SLC22A23: variants seen among roughly 807,000 people sequenced by gnomAD.
The protein encoded by SLC22A23 is solute carrier family 22 member 23.
In SLC22A23, 26 loss-of-function variants were observed where a neutral mutation model predicts 61.0. The observed-to-expected ratio is 0.43, with a 90% CI of 0.31 to 0.59. The LOEUF (loss-of-function observed/expected upper bound fraction) is 0.59. SLC22A23 is among the 20% of genes least tolerant of loss of function. The pLI is 0.11. For synonymous variants in SLC22A23, 430 were observed against 413.9 expected (o/e 1.04, Z -0.47); for missense variants, 796 against 934.7 (o/e 0.85, Z 1.94).
chr6:3,275,735 AC>A (rs1758833133), intron 9 of SLC22A23, among the ~76,000 whole-genome samples: 1 of 152,200 alleles, frequency 6.6e-6, no homozygotes, highest in Non-Finnish European at 1.5e-5. Context: ...GGCGCGTGCC[AC>A]CATGCCCAGC....
chr6:3,284,843 C>T, intron 8 of SLC22A23: 2 of 1,423,772 alleles, frequency 1.4e-6, no homozygotes, highest in South Asian at 1.2e-5. Flanking sequence ...GGGGCGGGGG[C>T]ATGCGTGCCA....
rs1760397840 is a variant in SLC22A23, at chr6:3,289,751, C to G, written c.1313+13G>C. On this transcript the variant is annotated intron_variant, in intron 6 of 9. Transcript: ENST00000406686. ...CCCTCCCACCCAGCTGGCACTTGTC[C>G]TCTGTGACTCACGAGTTCACACACA... 1 of 1,611,978 alleles carries G rather than the reference C, an allele frequency of 6.2e-7. No homozygotes were observed.
chr6:3,277,413 C>T (rs1219546930), intron 9 of SLC22A23, among the ~76,000 whole-genome samples: 1 of 150,910 alleles, frequency 6.6e-6, no homozygotes, highest in Non-Finnish European at 1.5e-5. Context: ...CCCTAGGAAT[C>T]CAGCCTCACC....
intron 3 of SLC22A23, among the ~76,000 whole-genome samples, chr6:3,365,687 A>G (rs1765763411): frequency 6.6e-6 from 1 of 152,098 alleles, no homozygotes; most frequent in Admixed American, 6.5e-5. Flanking sequence ...CCTACTAAAA[A>G]ATATTTTTTT....
chr6:3,382,526 A>G (rs1040904562), intron 3 of SLC22A23, among the ~76,000 whole-genome samples: 4 of 152,228 alleles, frequency 2.6e-5, no homozygotes, highest in African/African-American at 9.6e-5. Flanking sequence ...CTCTGTGATC[A>G]AAGTTTCCCA....
chr6:3,275,571 G>A (rs755112160), intron 9 of SLC22A23, among the ~76,000 whole-genome samples: 1 of 152,154 alleles, frequency 6.6e-6, no homozygotes, highest in Non-Finnish European at 1.5e-5. Context: ...ATCAGATAAA[G>A]GACTTGTAAC....
chr6:3,439,466 T>C (rs1771447109), intron 1 of SLC22A23: 1 of 318,870 alleles, frequency 3.1e-6, no homozygotes, highest in East Asian at 8.6e-5. Context: ...CCTAAAGTTC[T>C]GAACAGCAGT....
intron 1 of SLC22A23, among the ~76,000 whole-genome samples, chr6:3,423,929 AG>A (rs1282779312): frequency 6.6e-5 from 10 of 152,284 alleles, no homozygotes; most frequent in African/African-American, 2.4e-4. Context: ...GTAACGACCC[AG>A]GTGATCCATC....
chr6:3,405,975 G>A lies in SLC22A23; in HGVS notation c.913+4213C>T, dbSNP rs192822248. ...TTATCCAATCATTTAGGCTGTTTGG[G>A]TTGAAGGAGGGTTATTACAATAAGA... On this transcript the variant is annotated intron_variant, in intron 3 of 9. Coordinates refer to ENST00000406686, the MANE Select transcript of SLC22A23 (RefSeq NM_015482.2). Among the ~76,000 whole-genome samples, 7 of 152,206 alleles carry A rather than the reference G, an allele frequency of 4.6e-5. No homozygotes were observed. The South Asian group carries it at 1.2e-3, about 27-fold the overall frequency.
At position 3,289,651 on chromosome 6, in the gene SLC22A23, C is replaced by G. The variant is rs570994869; in HGVS notation, c.1313+113G>C. 1,084 of 830,688 alleles carry G rather than the reference C, an allele frequency of 1.3e-3. 20 individuals are homozygous for G. The South Asian group carries it at 0.016, about 12-fold the overall frequency. 51.5% of individuals were successfully genotyped at this position (830,688 alleles called of 1,614,324 possible). ...GCCCGTGTCACTCTTCACACACACA[C>G]CCTTAGGATTCCAAGTTCAGCGGGG... On this transcript the variant is annotated intron_variant, in intron 6 of 9. Coordinates refer to ENST00000406686, the MANE Select transcript of SLC22A23 (RefSeq NM_015482.2).
intron 1 of SLC22A23, among the ~76,000 whole-genome samples, chr6:3,455,369 G>A (rs1772344276): frequency 6.6e-6 from 1 of 152,230 alleles, no homozygotes. Flanking sequence ...AGACACTGGG[G>A]TAGCAAAGCC....
chr6:3,353,423 T>A (rs1764891475), intron 3 of SLC22A23, among the ~76,000 whole-genome samples: 1 of 152,206 alleles, frequency 6.6e-6, no homozygotes, highest in Non-Finnish European at 1.5e-5. Context: ...TGTCTCAACA[T>A]CTGGCTTGAG....
intron 3 of SLC22A23, among the ~76,000 whole-genome samples, chr6:3,389,539 G>A (rs972435754): frequency 2.6e-5 from 4 of 152,194 alleles, no homozygotes; most frequent in African/African-American, 4.8e-5. Context: ...GAGGTGGGGC[G>A]AGGAACAGAG....
intron 6 of SLC22A23, among the ~76,000 whole-genome samples, chr6:3,287,828 C>T (rs1322438029): frequency 6.6e-6 from 1 of 152,084 alleles, no homozygotes; most frequent in African/African-American, 2.4e-5. Flanking sequence ...GGATTACAGG[C>T]ACCTGCCACC....
At chr6:3,374,318 G>A (rs74735322) in intron 3 of SLC22A23, among the ~76,000 whole-genome samples, 2,559 of 152,344 alleles carry the variant, frequency 0.017, 24 homozygotes, top group Non-Finnish European at 0.029. Flanking sequence ...CATGGTGAGC[G>A]GTCGGACGCC....
intron 1 of SLC22A23, among the ~76,000 whole-genome samples, chr6:3,423,221 A>G (rs995888599): frequency 6.6e-6 from 1 of 152,126 alleles, no homozygotes; most frequent in African/African-American, 2.4e-5. Context: ...AAACAGAAAA[A>G]ATTACCACCT....
chr6:3,280,560 A>G (rs1759366920), intron 9 of SLC22A23, among the ~76,000 whole-genome samples: 1 of 125,934 alleles, frequency 7.9e-6, no homozygotes, highest in Non-Finnish European at 1.6e-5. Context: ...CAGTGGCGCG[A>G]TCTCGGCTCA....
rs1317544533 is a variant in SLC22A23 at position 3,308,222 on chromosome 6, A to C, written c.1083-10004T>G. Among the ~76,000 whole-genome samples the C allele has an allele frequency of 6.6e-6, 1 of 151,730 alleles. No individual in the cohort carries two copies. The highest frequency in any genetic ancestry group is 2.4e-5 in the African/African-American group (1 of 40,980). ...TACCACAATTAAAAGAAAATATTAC[A>C]GAGAAGACGAAAGCCCCCCCATACC... On this transcript the variant is annotated intron_variant, in intron 4 of 9. Coordinates refer to ENST00000406686, the MANE Select transcript of SLC22A23 (RefSeq NM_015482.2). The surrounding 1 kb of genome is among the most constrained non-coding windows in gnomAD (Gnocchi z 5.1).
intron 6 of SLC22A23, among the ~76,000 whole-genome samples, chr6:3,288,835 C>T (rs982795632): frequency 1.3e-5 from 2 of 152,234 alleles, no homozygotes; most frequent in Admixed American, 1.3e-4. Context: ...TGGTCTCTCT[C>T]CTGAGCTCAG....
Sources: allele counts gnomAD v4.1 joint callset (sites outside exome capture counted in the v4.1 genomes callset), GRCh38; gene constraint gnomAD v4.1.1; non-coding constraint Gnocchi (gnomAD v3.1); transcripts MANE v1.5; gene names NCBI Gene and HGNC (gene_info 2026-07-23, HGNC 2026-07-21).